Variants in PDE12 observed in about 807,000 individuals in gnomAD.
The protein encoded by PDE12 is phosphodiesterase 12, also known as 2',5'-phosphodiesterase 12.
Under a neutral mutation model 45.4 loss-of-function variants are expected in PDE12, and 26 were observed. The ratio of observed to expected loss-of-function variants is 0.57; its 90% CI spans 0.42 to 0.79. The LOEUF (loss-of-function observed/expected upper bound fraction) is 0.79. Among genes scored for constraint, PDE12 ranks in the 30% least tolerant of loss-of-function variants. PDE12 has a pLI of 0.00. For missense variants in PDE12, 668 were observed against 790.0 expected (o/e 0.85, Z 1.85); for synonymous variants, 283 against 323.9 (o/e 0.87, Z 1.36).
the PDE12 span, among the ~76,000 whole-genome samples, chr3:57,582,110 C>T: frequency 2.0e-5 from 3 of 152,168 alleles, no homozygotes; most frequent in Non-Finnish European, 4.4e-5. Flanking sequence ...ACAGTGGTTT[C>T]TGGTCCCAAG....
the PDE12 span, among the ~76,000 whole-genome samples, chr3:57,650,451 TAC>T: frequency 2.1e-3 from 299 of 142,586 alleles, no homozygotes; most frequent in Non-Finnish European, 4.0e-3. Flanking sequence ...CACACATACA[TAC>T]ACACACACAC....
At chr3:57,637,433 A>C in the PDE12 span, among the ~76,000 whole-genome samples, 3 of 152,206 alleles carry the variant, frequency 2.0e-5, no homozygotes, top group Non-Finnish European at 4.4e-5. Flanking sequence ...TTTCTGGTAA[A>C]GTTTCAGGAC....
the PDE12 span, among the ~76,000 whole-genome samples, chr3:57,613,181 A>G: frequency 3.3e-5 from 5 of 149,608 alleles, no homozygotes; most frequent in Admixed American, 2.7e-4. Flanking sequence ...GGGTTTCACC[A>G]TGTTACCCAG....
the PDE12 span, among the ~76,000 whole-genome samples, chr3:57,644,845 A>G: frequency 3.7e-5 from 5 of 136,482 alleles, no homozygotes; most frequent in Admixed American, 4.0e-4. Flanking sequence ...AAAAGGAAAA[A>G]CAGGGCAATG....
chr3:57,629,802 G>A, the PDE12 span, among the ~76,000 whole-genome samples: 136 of 151,794 alleles, frequency 9.0e-4, 1 homozygote, highest in Admixed American at 3.6e-3. Flanking sequence ...GATTACAGGC[G>A]TGAGCCACTG....
At chr3:57,611,953 G>A in the PDE12 span, among the ~76,000 whole-genome samples, 7 of 152,096 alleles carry the variant, frequency 4.6e-5, no homozygotes, top group South Asian at 2.1e-4. Flanking sequence ...TATGTTTATC[G>A]CGGCACTATT....
At chr3:57,653,524 T>A in the PDE12 span, among the ~76,000 whole-genome samples, 133 of 152,050 alleles carry the variant, frequency 8.7e-4, 1 homozygote, top group Non-Finnish European at 5.1e-4. Flanking sequence ...GGCGGGCAGA[T>A]CGTGAGGTCA....
chr3:57,624,483 G>A, the PDE12 span, among the ~76,000 whole-genome samples: 4 of 151,936 alleles, frequency 2.6e-5, no homozygotes, highest in African/African-American at 9.7e-5. Context: ...TTTAGAGATG[G>A]GGTCTCAGGT....
the PDE12 span, among the ~76,000 whole-genome samples, chr3:57,637,985 T>C: frequency 6.6e-6 from 1 of 151,060 alleles, no homozygotes; most frequent in African/African-American, 2.4e-5. Context: ...AATACAAAAA[T>C]CAGCTGAGTG....
chr3:57,584,154 G>A, the PDE12 span: 1 of 706,668 alleles, frequency 1.4e-6, no homozygotes. Flanking sequence ...ACAGAGACAA[G>A]GCCTCATTAT....
chr3:57,558,913 T>C (rs2069695637), intron 1 of PDE12, among the ~76,000 whole-genome samples: 1 of 151,978 alleles, frequency 6.6e-6, no homozygotes, highest in Admixed American at 6.6e-5. Context: ...AAAACGTTAG[T>C]TCGCCATTAG....
the PDE12 span, among the ~76,000 whole-genome samples, chr3:57,579,413 G>C: frequency 6.6e-6 from 1 of 151,768 alleles, no homozygotes; most frequent in Non-Finnish European, 1.5e-5. Context: ...TCAGCCTCCT[G>C]AGTAGCTGAG....
chr3:57,628,375 A>C, the PDE12 span: 2 of 1,606,922 alleles, frequency 1.2e-6, no homozygotes, highest in Non-Finnish European at 1.7e-6. Context: ...TAACATTTAA[A>C]TTATCCTCAG....
chr3:57,610,627 C>CATTCACAA, the PDE12 span, among the ~76,000 whole-genome samples: 1 of 152,118 alleles, frequency 6.6e-6, no homozygotes, highest in East Asian at 1.9e-4. Context: ...AGTGAACTCC[C>CATTCACAA]ATTCACAATT....
chr3:57,561,859 C>G lies in PDE12; in HGVS notation c.*1855C>G. On this transcript the variant is annotated 3_prime_UTR_variant, in exon 3 of 3. Coordinates refer to ENST00000311180, the MANE Select transcript of PDE12 (RefSeq NM_177966.7). ...GGTTTTATCTGCATTTGACATTGAA[C>G]CTTGAAGTACTTTAAGTACTCCAAG... 1.0e-6 allele frequency: 1 copy of G among 985,184 alleles called. No individual in the cohort carries two copies. Among genetic ancestry groups the G allele is most frequent in the South Asian group, 4.7e-5 (1 of 21,284 alleles). 61.0% of individuals were successfully genotyped at this position (985,184 alleles called of 1,614,324 possible).
At chr3:57,617,854 G>A in the PDE12 span, among the ~76,000 whole-genome samples, 5 of 151,248 alleles carry the variant, frequency 3.3e-5, no homozygotes, top group African/African-American at 7.3e-5. Flanking sequence ...GGGCAACAGA[G>A]TGAGTGAGAC....
chr3:57,578,011 A>G, the PDE12 span, among the ~76,000 whole-genome samples: 1 of 152,140 alleles, frequency 6.6e-6, no homozygotes. Flanking sequence ...AAATCGCACC[A>G]CTGCACTGCA....
At chr3:57,589,391 G>T in the PDE12 span, among the ~76,000 whole-genome samples, 1 of 152,166 alleles carries the variant, frequency 6.6e-6, no homozygotes, top group Admixed American at 6.6e-5. Context: ...TCACACCACT[G>T]CAATTCAGCG....
the PDE12 span, chr3:57,633,205 A>G: frequency 7.1e-7 from 1 of 1,409,956 alleles, no homozygotes; most frequent in African/African-American, 1.4e-5. Flanking sequence ...GGGCGGGAAA[A>G]ACATTTATAT....
Sources: allele counts gnomAD v4.1 joint callset (sites outside exome capture counted in the v4.1 genomes callset), GRCh38; gene constraint gnomAD v4.1.1; transcripts MANE v1.5; gene names NCBI Gene and HGNC (gene_info 2026-07-23, HGNC 2026-07-21).